PSMA1: variants seen among roughly 807,000 people sequenced by gnomAD.
PSMA1 encodes the protein proteasome subunit alpha type-1.
Under a neutral mutation model 38.4 loss-of-function variants are expected in PSMA1, and 3 were observed. That is an observed-to-expected ratio of 0.08 (90% confidence interval 0.04 to 0.20). The LOEUF (loss-of-function observed/expected upper bound fraction) is 0.20. PSMA1 is among the 10% of genes least tolerant of loss of function. PSMA1 has a pLI of 1.00. For missense variants in PSMA1, 227 were observed against 325.3 expected, an observed-to-expected ratio of 0.70 and a Z score of 2.32; for synonymous variants, 101 against 107.1, an observed-to-expected ratio of 0.94 and a Z score of 0.35.
chr11:14,640,489 G>A (rs997718486), intron 1 of PSMA1, among the ~76,000 whole-genome samples: 1 of 152,166 alleles, frequency 6.6e-6, no homozygotes, highest in Non-Finnish European at 1.5e-5. Context: ...TGAAGGACCT[G>A]TTATAGTTTT....
At chr11:14,632,828 T>G (rs1465228713) in intron 1 of PSMA1, among the ~76,000 whole-genome samples, 1 of 151,766 alleles carries the variant, frequency 6.6e-6, no homozygotes. Context: ...TTTGGTCTTT[T>G]CATATTTCTT....
At chr11:14,568,878 C>G (rs1222790733) in intron 2 of PSMA1, among the ~76,000 whole-genome samples, 1 of 152,142 alleles carries the variant, frequency 6.6e-6, no homozygotes, top group Non-Finnish European at 1.5e-5. Context: ...TGAATCTCAC[C>G]TGTGTGCCAC....
At chr11:14,614,542 C>T (rs1852747973) in intron 1 of PSMA1, among the ~76,000 whole-genome samples, 1 of 152,128 alleles carries the variant, frequency 6.6e-6, no homozygotes, top group African/African-American at 2.4e-5. Flanking sequence ...ACTCAGTACG[C>T]AGAAAGATGA....
At chr11:14,544,853 A>C (rs1043956018) in intron 2 of PSMA1, among the ~76,000 whole-genome samples, 1 of 152,234 alleles carries the variant, frequency 6.6e-6, no homozygotes. Context: ...AATTGAAAAC[A>C]TATATCCACC....
chr11:14,551,974 A>G (rs532911522), intron 2 of PSMA1, among the ~76,000 whole-genome samples: 2 of 152,224 alleles, frequency 1.3e-5, no homozygotes, highest in Admixed American at 6.5e-5. Context: ...TTCTTATAAT[A>G]AGAATGTTGG....
chr11:14,533,986 G>T (rs557453608), intron 2 of PSMA1, among the ~76,000 whole-genome samples: 1 of 152,156 alleles, frequency 6.6e-6, no homozygotes, highest in East Asian at 1.9e-4. Context: ...TTTGAGACCA[G>T]CCTGACCAAA....
At chr11:14,598,189 T>A (rs1303633299) in intron 2 of PSMA1, among the ~76,000 whole-genome samples, 1 of 152,214 alleles carries the variant, frequency 6.6e-6, no homozygotes, top group African/African-American at 2.4e-5. Flanking sequence ...AATTTTGGAA[T>A]AAGTGTGATT....
intron 8 of PSMA1, among the ~76,000 whole-genome samples, chr11:14,508,564 A>AAAAAAAAAAAAAAAAAAAAC (rs1554966542): frequency 6.8e-6 from 1 of 147,986 alleles, no homozygotes; most frequent in Non-Finnish European, 1.5e-5. Context: ...TCCATCTCAA[A>AAAAAAAAAAAAAAAAAAAAC]AAAAAAAAAA....
At chr11:14,554,544 C>T (rs759106256) in intron 2 of PSMA1, among the ~76,000 whole-genome samples, 2 of 152,112 alleles carry the variant, frequency 1.3e-5, no homozygotes, top group Non-Finnish European at 2.9e-5. Flanking sequence ...CATCCAGTTG[C>T]TCTAGCACTA....
intron 2 of PSMA1, among the ~76,000 whole-genome samples, chr11:14,606,980 G>T (rs1852651367): frequency 6.6e-6 from 1 of 152,202 alleles, no homozygotes. Flanking sequence ...GCAGGAGCCT[G>T]CCCCTGTAAA....
At chr11:14,573,795 G>A (rs572012697) in intron 2 of PSMA1, among the ~76,000 whole-genome samples, 12 of 152,330 alleles carry the variant, frequency 7.9e-5, no homozygotes, top group African/African-American at 2.9e-4. Context: ...TCCTTAAGCT[G>A]ATAAGCAACT....
At chr11:14,541,935 A>T (rs1161758412) in intron 2 of PSMA1, among the ~76,000 whole-genome samples, 1 of 152,234 alleles carries the variant, frequency 6.6e-6, no homozygotes, top group Admixed American at 6.5e-5. Flanking sequence ...TATAATGAGC[A>T]TTATCAGTAT....
chr11:14,604,058 C>A (rs1852615024), intron 2 of PSMA1, among the ~76,000 whole-genome samples: 1 of 152,222 alleles, frequency 6.6e-6, no homozygotes, highest in Non-Finnish European at 1.5e-5. Context: ...TACATTTCTT[C>A]TAACTACTAA....
At chr11:14,513,165 C>A (rs936917179) in intron 7 of PSMA1, among the ~76,000 whole-genome samples, 1 of 152,132 alleles carries the variant, frequency 6.6e-6, no homozygotes, top group South Asian at 2.1e-4. Flanking sequence ...CTTTTTATTT[C>A]TTGTTTATGG....
At chr11:14,610,849 A>T in intron 2 of PSMA1, 1 of 1,022,266 alleles carries the variant, frequency 9.8e-7, no homozygotes, top group Admixed American at 2.4e-5. Flanking sequence ...TTTGTTTTCT[A>T]GCCTAGAGAT....
At chr11:14,535,270 T>A (rs1159201554) in intron 2 of PSMA1, among the ~76,000 whole-genome samples, 4 of 151,388 alleles carry the variant, frequency 2.6e-5, no homozygotes, top group Admixed American at 1.3e-4. Context: ...TATAATATAA[T>A]TTTCCTCCCT....
intron 1 of PSMA1, among the ~76,000 whole-genome samples, chr11:14,620,032 C>T (rs1397853080): frequency 6.6e-6 from 1 of 151,934 alleles, no homozygotes; most frequent in African/African-American, 2.4e-5. Flanking sequence ...CAGTGATTTG[C>T]TTTCTTCTTG....
intron 1 of PSMA1, among the ~76,000 whole-genome samples, chr11:14,638,541 CTCTCTATATATATATATATATATA>C (rs1469993717): frequency 0.014 from 212 of 15,668 alleles, 1 homozygote; most frequent in East Asian, 0.024. Flanking sequence ...CTCTCTCTCT[CTCTCTATATATATATATATATATA>C]TATATATATA....
chr11:14,552,543 A>G (rs915418648), intron 2 of PSMA1, among the ~76,000 whole-genome samples: 4 of 152,196 alleles, frequency 2.6e-5, no homozygotes, highest in Admixed American at 1.3e-4. Flanking sequence ...ACCTGAAAAG[A>G]TAAGGGCAAG....
Sources: allele counts gnomAD v4.1 joint callset (sites outside exome capture counted in the v4.1 genomes callset), GRCh38; gene constraint gnomAD v4.1.1; transcripts MANE v1.5; gene names NCBI Gene and HGNC (gene_info 2026-07-23, HGNC 2026-07-21).